TRRAP: variants seen among roughly 807,000 people sequenced by gnomAD.
TRRAP encodes the protein transformation/transcription domain-associated protein.
Under a neutral mutation model 438.8 loss-of-function variants are expected in TRRAP, and 41 were observed. The observed-to-expected ratio is 0.09, with a 90% CI of 0.07 to 0.12. The LOEUF (loss-of-function observed/expected upper bound fraction) is 0.12, where lower values mean the gene tolerates loss of function less well. Ranked by LOEUF, TRRAP falls within the 10% of genes least tolerant of loss-of-function variation. The pLI is 1.00. For synonymous variants in TRRAP, 1,994 were observed against 1,962.9 expected (o/e 1.02, Z -0.42); for missense variants, 3,122 against 5,055.1 (o/e 0.62, Z 11.60).
In TRRAP at chr7:98,993,579, C is replaced by T; in HGVS notation, c.9889C>T (p.His3297Tyr). The T allele has an allele frequency of 6.2e-7, 1 of 1,613,768 alleles. No individual in the cohort carries two copies. Among genetic ancestry groups the T allele is most frequent in the Non-Finnish European group, 8.5e-7 (1 of 1,180,050 alleles). ...QQPSSVGNQS[H>Y]SASDPGPIRA... is the part of the protein sequence containing the mutation. ...GCCAAGTTCAGTGGGTAACCAGTCC[C>T]ATTCTGCATCAGATCCAGGGCCCAT... Residue 3297 changes from histidine to tyrosine, a missense_variant, in exon 66 of 73, where the codon CAT (histidine) becomes TAT (tyrosine). Physicochemically the swap from His to Tyr is moderately conservative, Grantham distance 83 (BLOSUM62 2). Around this residue, in one of 24 missense-constraint regions of TRRAP, gnomAD observed 107 missense variants for 327.5 expected, o/e 0.33. Coordinates refer to ENST00000456197, the MANE Select transcript of TRRAP (RefSeq NM_001375524.1).
rs544602431 is a variant in TRRAP at position 98,964,867 on chromosome 7, A to ATG, written c.6976+95_6976+96dup. The ATG allele has an allele frequency of 1.1e-5, 16 of 1,419,464 alleles. No homozygotes were observed. The East Asian group carries it at 3.5e-4, about 31-fold the overall frequency. 87.9% of individuals were successfully genotyped at this position (1,419,464 alleles called of 1,614,324 possible). A position where few individuals can be genotyped will look rare whatever the true frequency, so the allele number is the denominator to read the frequency against. Reference sequence around the variant, plus strand: ...AGGCTGGGGCTGAACTCTAAAGGGAATGTGCATTCACCAAGTCCTGTTGTT... The same window carrying ATG: ...AGGCTGGGGCTGAACTCTAAAGGGAATGTGTGCATTCACCAAGTCCTGTTGTT... On this transcript the variant is annotated intron_variant, in intron 48 of 72. Coordinates refer to ENST00000456197, the MANE Select transcript of TRRAP (RefSeq NM_001375524.1).
rs746653424 is a variant in TRRAP at position 99,005,234 on chromosome 7, G to A, written c.10639G>A (p.Asp3547Asn). 2.5e-6 allele frequency: 4 copies of A among 1,614,186 alleles called. No individual in the cohort carries two copies. The highest frequency in any genetic ancestry group is 2.5e-6 in the Non-Finnish European group (3 of 1,180,046). The change falls in exon 69 of 73, where the codon GAC (aspartate) becomes AAC (asparagine). Residue 3547 changes from aspartate (D) to asparagine (N), a missense_variant. Physicochemically the swap from Asp to Asn is conservative, Grantham distance 23. Around this residue, in one of 24 missense-constraint regions of TRRAP, gnomAD observed 95 missense variants for 144.1 expected, o/e 0.66. Transcript: ENST00000456197. The surrounding 1 kb of genome is among the most constrained non-coding windows in gnomAD (Gnocchi z 5.1). ...GATCTACCCATACCTCGTCATGAAC[G>A]ACGCCTGCCTCACAGAGTCACGGCG... is the stretch of plus-strand genomic sequence containing the variant. ...GKIYPYLVMN[D>N]ACLTESRREE...
intron 30 of TRRAP, 79 bp downstream of exon 30, chr7:98,937,899 G>A (rs2116547992): frequency 2.1e-6 from 3 of 1,434,132 alleles, no homozygotes; most frequent in South Asian, 1.5e-5. Flanking sequence ...ATGCAGCTGG[G>A]CACAGTGGTT....
intron 67 of TRRAP, among the ~76,000 whole-genome samples, chr7:99,001,926 T>C (rs772581848): frequency 4.6e-5 from 7 of 152,148 alleles, no homozygotes; most frequent in Admixed American, 1.3e-4. Flanking sequence ...TCAGAAGGTA[T>C]TGAATACATT....
At position 99,008,570 on chromosome 7, in the gene TRRAP, G is replaced by T; in HGVS notation, c.10938+9G>T. On this transcript the variant is annotated intron_variant, in intron 70 of 72. Transcript: ENST00000456197. ...CCCAAGCCAGCCACCAGGTAGCAGT[G>T]GGGCCGGGCCGGGGGCCGAGCTGCC... is the stretch of plus-strand genomic sequence containing the variant. 6.2e-7 allele frequency: 1 copy of T among 1,612,604 alleles called. No homozygotes were observed. The highest frequency in any genetic ancestry group is 8.5e-7 in the Non-Finnish European group (1 of 1,179,646).
At chr7:98,960,986 T>C (rs1791865592) in intron 45 of TRRAP, among the ~76,000 whole-genome samples, 2 of 152,226 alleles carry the variant, frequency 1.3e-5, no homozygotes, top group Non-Finnish European at 1.5e-5. Flanking sequence ...GCAGGAACTT[T>C]TTTAGAATTT....
intron 49 of TRRAP, among the ~76,000 whole-genome samples, chr7:98,966,106 A>G (rs1247785877): frequency 6.6e-6 from 1 of 152,116 alleles, no homozygotes; most frequent in Non-Finnish European, 1.5e-5. Context: ...GGAGATTGAG[A>G]CCGTCCTGGC....
chr7:98,917,879 T>G (rs1265780036), intron 20 of TRRAP, among the ~76,000 whole-genome samples, 200 bp downstream of exon 20: 4 of 152,056 alleles, frequency 2.6e-5, no homozygotes, highest in Non-Finnish European at 5.9e-5. Flanking sequence ...CCCAGCACTT[T>G]GGGAGGCCGA....
At chr7:98,942,272 A>C (rs1554415822) in intron 30 of TRRAP, among the ~76,000 whole-genome samples, 1 of 152,154 alleles carries the variant, frequency 6.6e-6, no homozygotes, top group Non-Finnish European at 1.5e-5. Context: ...TTCCTGACCA[A>C]GTGGGGTCCA....
chr7:98,993,462 A>T (rs1793517935), intron 65 of TRRAP, 76 bp from the exon 66 acceptor site: 7 of 1,495,894 alleles, frequency 4.7e-6, no homozygotes, highest in Non-Finnish European at 4.5e-6. Flanking sequence ...CCTTTGGCCC[A>T]TGGGTCCTGC....
intron 49 of TRRAP, 29 bp downstream of exon 49, chr7:98,965,924 T>C (rs771646219): frequency 1.9e-6 from 3 of 1,609,184 alleles, no homozygotes; most frequent in Non-Finnish European, 2.6e-6. Context: ...CCATGTGATC[T>C]CCCTTTCAAT....
At chr7:98,990,712 C>G (rs1401221322) in intron 64 of TRRAP, 93 bp downstream of exon 64, 2 of 1,403,244 alleles carry the variant, frequency 1.4e-6, no homozygotes, top group Non-Finnish European at 1.9e-6. Context: ...TTTGAGTGTT[C>G]AAAGTATTAA....
chr7:98,959,430 A>G lies in TRRAP; in HGVS notation c.6429A>G (p.Pro2143=). The change falls in exon 45 of 73, where the codon CCA becomes CCG. Residue 2143 remains proline, a synonymous_variant. Transcript: ENST00000456197. ...ACCTTCTGAAGACTGCGTTGCGGCC[A>G]GACATGTGGCCCAAGTCCGAACTCA... The part of the protein sequence containing the change: ...CVNLLKTALR[P]DMWPKSELKL... 8 of 1,613,970 alleles carry G rather than the reference A, an allele frequency of 5.0e-6. No homozygotes were observed. The highest frequency in any genetic ancestry group is 2.7e-5 in the African/African-American group (2 of 74,948).
intron 3 of TRRAP, among the ~76,000 whole-genome samples, chr7:98,883,927 A>C (rs576685205): frequency 2.6e-4 from 39 of 152,322 alleles, no homozygotes; most frequent in African/African-American, 9.4e-4. Context: ...TAGGCAGTTC[A>C]GTTACCAGCT....
intron 53 of TRRAP, among the ~76,000 whole-genome samples, chr7:98,972,158 C>T (rs192824918): frequency 1.8e-4 from 27 of 152,338 alleles, no homozygotes; most frequent in Non-Finnish European, 3.2e-4. Flanking sequence ...CCTCCCACCT[C>T]AGCCTCCCAG....
At chr7:98,964,501 C>CA in intron 47 of TRRAP, 128 bp from the exon 48 acceptor site, 1 of 1,083,810 alleles carries the variant, frequency 9.2e-7, no homozygotes, top group Non-Finnish European at 1.3e-6. Flanking sequence ...TGTAAAAGCT[C>CA]ACAGTGTTGA....
At chr7:98,988,713 A>G in intron 62 of TRRAP, 52 bp from the exon 63 acceptor site, 1 of 1,587,072 alleles carries the variant, frequency 6.3e-7, no homozygotes, top group Non-Finnish European at 8.6e-7. Flanking sequence ...GATTACGTGA[A>G]GCTCGCTTCA....
At chr7:98,993,838 C>G (rs1393624678) in intron 66 of TRRAP, 101 bp downstream of exon 66, 2 of 1,205,420 alleles carry the variant, frequency 1.7e-6, no homozygotes, top group East Asian at 4.8e-5. Flanking sequence ...GTTGCCGGTC[C>G]TTTTATATAT....
chr7:98,976,060 T>C lies in TRRAP; in HGVS notation c.7840-89T>C. ...AAAGTGGAGGAGCATCGGTAATGTA[T>C]GAGACAGATCATGGGTGTCTTCTGA... is the stretch of plus-strand genomic sequence containing the variant. On this transcript the variant is annotated intron_variant, in intron 53 of 72. Coordinates refer to ENST00000456197, the MANE Select transcript of TRRAP (RefSeq NM_001375524.1). The surrounding 1 kb of genome is among the most constrained non-coding windows in gnomAD (Gnocchi z 4.6). The C allele has an allele frequency of 6.6e-7, 1 of 1,505,756 alleles. No homozygotes were observed. Among genetic ancestry groups the C allele is most frequent in the Admixed American group, 1.9e-5 (1 of 52,438 alleles). The allele number at this position is 1,505,756 out of a possible 1,614,324, so 93.3% of individuals were successfully genotyped here. A position where few individuals can be genotyped will look rare whatever the true frequency, so the allele number is the denominator to read the frequency against.
Sources: gnomAD v4.1 joint callset for allele counts (sites outside exome capture counted in the v4.1 genomes callset) on GRCh38, gnomAD v4.1.1 for gene constraint, gnomAD v4.1.1 regional missense constraint, Gnocchi (gnomAD v3.1) non-coding constraint, MANE v1.5 for transcripts, NCBI Gene and HGNC (gene_info 2026-07-23, HGNC 2026-07-21) for gene names.